The following RUNX2 variants were observed in gnomAD, a reference collection of about 807,000 sequenced individuals.
RUNX2 encodes RUNX family transcription factor 2.
A neutral mutation model predicts 51.7 loss-of-function variants in RUNX2; 10 were observed. The observed-to-expected ratio is 0.19, with a 90% CI of 0.12 to 0.33. RUNX2 has a LOEUF of 0.33. Among genes scored for constraint, RUNX2 ranks in the 10% least tolerant of loss-of-function variants. The probability of loss-of-function intolerance (pLI) is 1.00; values close to 1 mark genes in which losing one functional copy is unlikely to be tolerated. For missense variants in RUNX2, 562 were observed against 691.3 expected, an observed-to-expected ratio of 0.81 and a Z score of 2.10; for synonymous variants, 276 against 273.6, an observed-to-expected ratio of 1.01 and a Z score of -0.09.
At chr6:45,407,737 C>T (rs563882403) in intron 2 of RUNX2, among the ~76,000 whole-genome samples, 1 of 151,880 alleles carries the variant, frequency 6.6e-6, no homozygotes, top group Non-Finnish European at 1.5e-5. Context: ...TGGCCTCAAG[C>T]GATTCTCCTG....
At chr6:45,412,871 G>A (rs1441626311) in intron 2 of RUNX2, among the ~76,000 whole-genome samples, 2 of 152,046 alleles carry the variant, frequency 1.3e-5, no homozygotes, top group Non-Finnish European at 2.9e-5. Flanking sequence ...CAGCCTCCCT[G>A]AGTAGCTGGG....
chr6:45,382,650 T>C (rs1002975278), intron 2 of RUNX2, among the ~76,000 whole-genome samples: 2 of 152,110 alleles, frequency 1.3e-5, no homozygotes, highest in Admixed American at 6.5e-5. Flanking sequence ...AAGAAAATCA[T>C]GTGATATGAG....
chr6:45,492,393 TG>T (rs1385862533), intron 6 of RUNX2, among the ~76,000 whole-genome samples: 1 of 152,204 alleles, frequency 6.6e-6, no homozygotes, highest in Non-Finnish European at 1.5e-5. Context: ...TTTGGGAGAA[TG>T]TTTATTATAC....
intron 7 of RUNX2, among the ~76,000 whole-genome samples, chr6:45,531,355 G>A (rs938173156): frequency 4.6e-5 from 7 of 152,026 alleles, no homozygotes; most frequent in Non-Finnish European, 1.0e-4. Context: ...AAGTAAAATG[G>A]ACCAAATCCC....
rs1184927018 is a variant in RUNX2 at position 45,523,466 on chromosome 6, T to C, written c.1021+11059T>C. ...AAAAATTATTAGTAGAGACGGGGTTTCACCATGTTGGCCAGGCTGGTCTCA... is the reference window on the plus strand; with the variant it reads ...AAAAATTATTAGTAGAGACGGGGTTCCACCATGTTGGCCAGGCTGGTCTCA... On this transcript the variant is annotated intron_variant, in intron 7 of 8. Coordinates refer to ENST00000647337, the MANE Select transcript of RUNX2 (RefSeq NM_001024630.4). 3.3e-5 allele frequency among the ~76,000 whole-genome samples: 5 copies of C among 151,930 alleles called. No homozygotes were observed. The East Asian group carries it at 7.9e-4, about 24-fold the overall frequency.
rs567403384 is a variant in RUNX2 at position 45,436,483 on chromosome 6, G to A, written c.581-1464G>A. ...TAATTGAGATAATGTGTATGAAGTGGCACTTAATACGTTTCTAATTGTTAT... is the reference window on the plus strand; with the variant it reads ...TAATTGAGATAATGTGTATGAAGTGACACTTAATACGTTTCTAATTGTTAT... On this transcript the variant is annotated intron_variant, in intron 4 of 8. Coordinates refer to ENST00000647337, the MANE Select transcript of RUNX2 (RefSeq NM_001024630.4). Among the ~76,000 whole-genome samples, 9 of 152,166 alleles carry A rather than the reference G, an allele frequency of 5.9e-5. 1 individual carries two copies. The South Asian group carries it at 1.7e-3, about 28-fold the overall frequency.
At chr6:45,437,863 G>T in intron 4 of RUNX2, 84 bp from the exon 5 acceptor site, 1 of 1,000,072 alleles carries the variant, frequency 1.0e-6, no homozygotes. Context: ...ATGCTTAAAT[G>T]CAATTTGGAA....
chr6:45,439,698 T>C (rs1798788610), intron 5 of RUNX2, among the ~76,000 whole-genome samples: 1 of 151,876 alleles, frequency 6.6e-6, no homozygotes, highest in African/African-American at 2.4e-5. Flanking sequence ...TGTGTGTGTA[T>C]GTTTGTGTGT....
intron 8 of RUNX2, 50 bp downstream of exon 8, chr6:45,545,332 C>A: frequency 6.5e-7 from 1 of 1,540,768 alleles, no homozygotes; most frequent in Non-Finnish European, 8.8e-7. Context: ...CTGGGCTGGG[C>A]TGTCTGGTTG....
chr6:45,345,581 T>A (rs953180822), intron 2 of RUNX2, among the ~76,000 whole-genome samples: 1 of 152,144 alleles, frequency 6.6e-6, no homozygotes, highest in Admixed American at 6.5e-5. Flanking sequence ...AATTCTCTAA[T>A]CTCATAAATC....
intron 2 of RUNX2, among the ~76,000 whole-genome samples, chr6:45,383,611 T>TA (rs149654918): frequency 1.1e-4 from 16 of 150,964 alleles, no homozygotes; most frequent in Non-Finnish European, 5.9e-5. Context: ...TCCCCTTGTT[T>TA]AAAAAAAAAG....
At chr6:45,331,496 C>G (rs1327973830) in intron 2 of RUNX2, among the ~76,000 whole-genome samples, 3 of 151,856 alleles carry the variant, frequency 2.0e-5, no homozygotes, top group African/African-American at 7.3e-5. Flanking sequence ...AATTCCAAAA[C>G]TAGGGAGCAG....
chr6:45,528,676 G>A (rs1801748546), intron 7 of RUNX2, among the ~76,000 whole-genome samples: 1 of 152,136 alleles, frequency 6.6e-6, no homozygotes, highest in Non-Finnish European at 1.5e-5. Context: ...GTGTGACCAG[G>A]CTGGCTTTGC....
chr6:45,430,926 A>G (rs1798525550), intron 3 of RUNX2, among the ~76,000 whole-genome samples: 1 of 152,312 alleles, frequency 6.6e-6, no homozygotes, highest in South Asian at 2.1e-4. Flanking sequence ...AGTGTTTCAT[A>G]TATGACAGTG....
intron 2 of RUNX2, among the ~76,000 whole-genome samples, chr6:45,396,537 C>G (rs1797585258): frequency 6.6e-6 from 1 of 152,202 alleles, no homozygotes; most frequent in East Asian, 1.9e-4. Context: ...TCCCAAATAG[C>G]TGGGACTACA....
At chr6:45,485,839 A>G (rs1800268533) in intron 5 of RUNX2, among the ~76,000 whole-genome samples, 1 of 151,702 alleles carries the variant, frequency 6.6e-6, no homozygotes, top group Non-Finnish European at 1.5e-5. Context: ...CTTCAAGGAC[A>G]GGCATCATGA....
intron 2 of RUNX2, among the ~76,000 whole-genome samples, chr6:45,409,499 A>G (rs911808914): frequency 1.1e-4 from 17 of 152,274 alleles, no homozygotes; most frequent in Admixed American, 5.2e-4. Context: ...ATAATTTTCT[A>G]TGTATATCTA....
intron 2 of RUNX2, among the ~76,000 whole-genome samples, chr6:45,400,120 A>AGGGAGGGAAGGAAGGAAAGGAGGT (rs1797678091): frequency 7.5e-6 from 1 of 133,358 alleles, no homozygotes; most frequent in African/African-American, 2.8e-5. Flanking sequence ...GGAAAGGAGG[A>AGGGAGGGAAGGAAGGAAAGGAGGT]GGGAGGGAAG....
intron 7 of RUNX2, among the ~76,000 whole-genome samples, chr6:45,528,666 G>A (rs1801748451): frequency 6.6e-6 from 1 of 152,178 alleles, no homozygotes; most frequent in South Asian, 2.1e-4. Flanking sequence ...ATGCATGCAG[G>A]TGTGACCAGG....
Sources: gnomAD v4.1 joint callset for allele counts (sites outside exome capture counted in the v4.1 genomes callset) on GRCh38, gnomAD v4.1.1 for gene constraint, MANE v1.5 for transcripts, NCBI Gene and HGNC (gene_info 2026-07-23, HGNC 2026-07-21) for gene names.